SCFD2: variants seen among roughly 807,000 people sequenced by gnomAD.
The protein encoded by SCFD2 is sec1 family domain containing 2.
A neutral mutation model predicts 58.9 loss-of-function variants in SCFD2; 54 were observed. The observed-to-expected ratio is 0.92, with a 90% CI of 0.74 to 1.15. The LOEUF is 1.15. Among genes scored for constraint, SCFD2 ranks in the 50% most tolerant of loss-of-function variants. SCFD2 has a pLI of 0.00. For synonymous variants in SCFD2, 321 were observed against 335.9 expected (o/e 0.96, Z 0.49); for missense variants, 805 against 836.6 (o/e 0.96, Z 0.47).
intron 2 of SCFD2, among the ~76,000 whole-genome samples, chr4:53,333,214 C>A (rs1270295929): frequency 6.9e-6 from 1 of 144,502 alleles, no homozygotes; most frequent in Admixed American, 7.1e-5. Context: ...CATCAAGCTA[C>A]CAATGACTTT....
chr4:53,321,820 T>C (rs571467207), intron 2 of SCFD2, among the ~76,000 whole-genome samples: 4 of 152,354 alleles, frequency 2.6e-5, no homozygotes, highest in Admixed American at 6.5e-5. Context: ...GTGCAAGATA[T>C]GTGACAGAGT....
At chr4:53,289,860 A>G (rs1366581987) in intron 3 of SCFD2, among the ~76,000 whole-genome samples, 2 of 152,342 alleles carry the variant, frequency 1.3e-5, no homozygotes, top group East Asian at 3.9e-4. Context: ...AATAGACTTC[A>G]AGTCAAAAAC....
At chr4:53,317,364 T>C (rs942701246) in intron 2 of SCFD2, among the ~76,000 whole-genome samples, 5 of 152,178 alleles carry the variant, frequency 3.3e-5, no homozygotes, top group African/African-American at 1.2e-4. Flanking sequence ...ATTACTGCAA[T>C]GTGGTAATTC....
intron 4 of SCFD2, among the ~76,000 whole-genome samples, chr4:53,151,778 T>C (rs1248657945): frequency 2.6e-5 from 4 of 152,248 alleles, no homozygotes; most frequent in South Asian, 2.1e-4. Context: ...AGAGATTTAT[T>C]TGGCTCACAG....
intron 4 of SCFD2, among the ~76,000 whole-genome samples, chr4:53,257,912 T>A (rs1730697613): frequency 6.6e-6 from 1 of 152,020 alleles, no homozygotes; most frequent in South Asian, 2.1e-4. Flanking sequence ...GCAAAAAAGA[T>A]ACAAAACAGG....
intron 4 of SCFD2, among the ~76,000 whole-genome samples, chr4:53,255,238 C>A (rs911825342): frequency 1.1e-4 from 7 of 64,900 alleles, no homozygotes; most frequent in Middle Eastern, 0.01. Flanking sequence ...TTTTATGGAT[C>A]ATTCTTGGGT....
intron 5 of SCFD2, among the ~76,000 whole-genome samples, chr4:53,124,796 A>C (rs572530756): frequency 1.3e-5 from 2 of 152,328 alleles, no homozygotes; most frequent in African/African-American, 4.8e-5. Flanking sequence ...CTCTTTGTTC[A>C]TTCCTTCCTT....
At chr4:53,251,740 A>C (rs1292359260) in intron 4 of SCFD2, among the ~76,000 whole-genome samples, 1 of 152,044 alleles carries the variant, frequency 6.6e-6, no homozygotes, top group Non-Finnish European at 1.5e-5. Context: ...ATCTCAAAAT[A>C]ATAAGAGCTA....
At chr4:53,115,415 A>C (rs1725292439) in intron 5 of SCFD2, among the ~76,000 whole-genome samples, 1 of 152,162 alleles carries the variant, frequency 6.6e-6, no homozygotes. Flanking sequence ...TCCATCCTAG[A>C]AGCTTCCACA....
intron 3 of SCFD2, among the ~76,000 whole-genome samples, chr4:53,285,087 T>C (rs1193280472): frequency 1.3e-5 from 2 of 152,158 alleles, no homozygotes; most frequent in African/African-American, 2.4e-5. Context: ...AAGGCTACCA[T>C]GGAATAAGGT....
At chr4:53,011,908 G>A (rs1241489475) in intron 5 of SCFD2, among the ~76,000 whole-genome samples, 2 of 151,876 alleles carry the variant, frequency 1.3e-5, no homozygotes, top group Non-Finnish European at 2.9e-5. Flanking sequence ...GGCTGAAACC[G>A]ACATTGATTG....
At chr4:53,269,822 C>T (rs1434251299) in intron 4 of SCFD2, among the ~76,000 whole-genome samples, 2 of 152,148 alleles carry the variant, frequency 1.3e-5, no homozygotes, top group African/African-American at 4.8e-5. Flanking sequence ...ATCAGAAGTT[C>T]GAGACCAGCA....
At chr4:53,337,176 C>T (rs2149140835) in intron 2 of SCFD2, among the ~76,000 whole-genome samples, 1 of 152,312 alleles carries the variant, frequency 6.6e-6, no homozygotes, top group African/African-American at 2.4e-5. Flanking sequence ...CCCAAGGCCC[C>T]TTTCTTTGGC....
At chr4:53,062,184 G>A (rs1008306254) in intron 5 of SCFD2, among the ~76,000 whole-genome samples, 1 of 151,468 alleles carries the variant, frequency 6.6e-6, no homozygotes, top group East Asian at 1.9e-4. Flanking sequence ...CCAGGCTGGC[G>A]AACAGGGCAA....
chr4:53,115,499 T>C (rs1008966203), intron 5 of SCFD2, among the ~76,000 whole-genome samples: 20 of 152,082 alleles, frequency 1.3e-4, no homozygotes, highest in Admixed American at 1.3e-3. Flanking sequence ...CAGTGAGAGG[T>C]AGACAGATCA....
intron 4 of SCFD2, among the ~76,000 whole-genome samples, chr4:53,224,670 C>G (rs1229473076): frequency 6.6e-6 from 1 of 152,188 alleles, no homozygotes; most frequent in Non-Finnish European, 1.5e-5. Context: ...TCAGCTCTGC[C>G]TGAATTCCTC....
At chr4:53,072,861 T>C (rs992182231) in intron 5 of SCFD2, among the ~76,000 whole-genome samples, 10 of 152,070 alleles carry the variant, frequency 6.6e-5, no homozygotes, top group Non-Finnish European at 1.2e-4. Flanking sequence ...GCATCCTAGT[T>C]TTCTGTGGCC....
At chr4:53,219,398 A>C (rs1728976649) in intron 4 of SCFD2, among the ~76,000 whole-genome samples, 1 of 152,184 alleles carries the variant, frequency 6.6e-6, no homozygotes. Context: ...CTGTGCTAGC[A>C]ATAAGCGAGG....
chr4:53,327,054 T>C (rs1195739543), intron 2 of SCFD2, among the ~76,000 whole-genome samples: 1 of 150,814 alleles, frequency 6.6e-6, no homozygotes, highest in Non-Finnish European at 1.5e-5. Context: ...CAAAAGTCAT[T>C]AGTTGGTGCC....
Sources: gnomAD v4.1 joint callset for allele counts (sites outside exome capture counted in the v4.1 genomes callset) on GRCh38, gnomAD v4.1.1 for gene constraint, MANE v1.5 for transcripts, NCBI Gene and HGNC (gene_info 2026-07-23, HGNC 2026-07-21) for gene names.